CDK12: variants seen among roughly 807,000 people sequenced by gnomAD.
CDK12 encodes the protein cyclin dependent kinase 12.
In CDK12, 17 loss-of-function variants were observed where a neutral mutation model predicts 133.8. The observed-to-expected ratio is 0.13, with a 90% confidence interval of 0.09 to 0.19. CDK12 has a LOEUF of 0.19. CDK12 is among the 10% of genes least tolerant of loss of function. The probability of loss-of-function intolerance (pLI) is 1.00; values close to 1 mark genes in which losing one functional copy is unlikely to be tolerated. For synonymous variants in CDK12, 694 were observed against 683.6 expected (o/e 1.02, Z -0.24); for missense variants, 1,508 against 1,818.7 (o/e 0.83, Z 3.11).
At position 39,533,869 on chromosome 17, in the gene CDK12, C is replaced by T. The variant is rs891749211; in HGVS notation, c.*2553C>T. The stretch of plus-strand genomic sequence containing the variant: ...AAGGTATTTGTTAATTTTTCAGTTA[C>T]GTTATCTATAAACATGATGGAAGTA... On this transcript the variant is annotated 3_prime_UTR_variant, in exon 14 of 14. Coordinates refer to ENST00000447079, the MANE Select transcript of CDK12 (RefSeq NM_016507.4). 8.6e-6 allele frequency: 2 copies of T among 231,862 alleles called. No homozygotes were observed. The highest frequency in any genetic ancestry group is 1.7e-5 in the Non-Finnish European group (2 of 117,288). The allele number at this position is 231,862 out of a possible 1,614,324, so 14.4% of individuals were successfully genotyped here. A position where few individuals can be genotyped will look rare whatever the true frequency, so the allele number is the denominator to read the frequency against.
intron 2 of CDK12, among the ~76,000 whole-genome samples, chr17:39,552,674 AG>A (rs2056000477): frequency 1.3e-5 from 2 of 152,206 alleles, no homozygotes. Flanking sequence ...TCCAAGGAAC[AG>A]AGCCTCCTTT....
Position 39,532,713 on chromosome 17 carries a change from ATTTGGT to A in CDK12, c.*1404_*1409del. The A allele has an allele frequency of 4.3e-6, 1 of 232,778 alleles. No individual in the cohort carries two copies. Among genetic ancestry groups the A allele is most frequent in the East Asian group, 6.0e-5 (1 of 16,596 alleles). 14.4% of individuals were successfully genotyped at this position (232,778 alleles called of 1,614,324 possible). ...GGATTTTTCCTCCAAAGAGATTTGG[ATTTGGT>A]TTTGGTAAAAGGGGTTAAATTGTGC... is the stretch of plus-strand genomic sequence containing the variant. On this transcript the variant is annotated 3_prime_UTR_variant, in exon 14 of 14. Transcript: ENST00000447079.
chr17:39,525,809 A>T (rs1391213036), intron 12 of CDK12, 55 bp from the exon 13 acceptor site: 2 of 1,394,748 alleles, frequency 1.4e-6, no homozygotes, highest in Non-Finnish European at 2.0e-6. Flanking sequence ...TGAAGAAGGC[A>T]AAGGGCCCTT....
intron 2 of CDK12, among the ~76,000 whole-genome samples, chr17:39,476,807 C>T (rs997535748): frequency 2.6e-4 from 38 of 145,338 alleles, no homozygotes; most frequent in South Asian, 6.7e-4. Context: ...ACGCAACCTC[C>T]GCCTCCCAAG....
At chr17:39,542,004 G>A (rs1251184354) in intron 1 of CDK12, among the ~76,000 whole-genome samples, 3 of 152,148 alleles carry the variant, frequency 2.0e-5, no homozygotes, top group Admixed American at 6.5e-5. Flanking sequence ...TGACTTCTGC[G>A]AGTAGAGTGC....
chr17:39,491,536 T>G (rs1598027998), intron 3 of CDK12, among the ~76,000 whole-genome samples: 1 of 152,124 alleles, frequency 6.6e-6, no homozygotes, highest in East Asian at 1.9e-4. Context: ...GCGTCCGGCC[T>G]TATATTTTCA....
At chr17:39,522,612 T>G (rs1408752472) in intron 11 of CDK12, among the ~76,000 whole-genome samples, 1 of 151,874 alleles carries the variant, frequency 6.6e-6, no homozygotes, top group Non-Finnish European at 1.5e-5. Flanking sequence ...TTTTGTATTT[T>G]TAGTAGAGAT....
At position 39,533,438 on chromosome 17, in the gene CDK12, CCT is replaced by C. The variant is rs1567796450; in HGVS notation, c.*2123_*2124del. 4.3e-6 allele frequency: 1 copy of C among 232,952 alleles called. No individual in the cohort carries two copies. Among genetic ancestry groups the C allele is most frequent in the Admixed American group, 5.6e-5 (1 of 17,762 alleles). The allele number at this position is 232,952 out of a possible 1,614,324, so 14.4% of individuals were successfully genotyped here. A position where few individuals can be genotyped will look rare whatever the true frequency, so the allele number is the denominator to read the frequency against. The stretch of plus-strand genomic sequence containing the variant: ...GAATTTGAGTTATTGGGCCCCACTC[CCT>C]GTTTTTTATTAAAGAACGTGAGCCT... On this transcript the variant is annotated 3_prime_UTR_variant, in exon 14 of 14. Transcript: ENST00000447079.
chr17:39,495,932 G>A (rs2052072372), intron 5 of CDK12, among the ~76,000 whole-genome samples: 1 of 151,246 alleles, frequency 6.6e-6, no homozygotes, highest in Admixed American at 6.6e-5. Flanking sequence ...TTTTTTTTGA[G>A]ACAGAGTCTT....
intron 3 of CDK12, among the ~76,000 whole-genome samples, chr17:39,561,196 ATAT>A (rs1017708791): frequency 3.3e-4 from 51 of 152,276 alleles, no homozygotes; most frequent in African/African-American, 1.2e-3. Context: ...AGAGGATGAG[ATAT>A]TAAGGTCCTC....
intron 12 of CDK12, 50 bp from the exon 13 acceptor site, chr17:39,525,814 G>A (rs1209866547): frequency 2.8e-6 from 4 of 1,443,600 alleles, no homozygotes; most frequent in East Asian, 4.6e-5. Context: ...AAGGCAAAGG[G>A]CCCTTGGCCT....
intron 2 of CDK12, among the ~76,000 whole-genome samples, chr17:39,553,472 C>T (rs1467125650): frequency 1.3e-5 from 2 of 152,168 alleles, no homozygotes; most frequent in South Asian, 2.1e-4. Flanking sequence ...TTACCCCATC[C>T]TCTCCTGCTT....
At chr17:39,489,141 C>T (rs939512330) in intron 2 of CDK12, among the ~76,000 whole-genome samples, 1 of 147,930 alleles carries the variant, frequency 6.8e-6, no homozygotes, top group Non-Finnish European at 1.5e-5. Flanking sequence ...AGTGCAGTGG[C>T]GCGATCTCAG....
chr17:39,462,708 G>C lies in CDK12; in HGVS notation c.637G>C (p.Val213Leu). The C allele has an allele frequency of 6.2e-7, 1 of 1,614,230 alleles. No individual in the cohort carries two copies. Among genetic ancestry groups the C allele is most frequent in the Non-Finnish European group, 8.5e-7 (1 of 1,180,044 alleles). ...KRETPKSYKTVDSPKRRSRSP... is the reference protein window; with the variant it reads ...KRETPKSYKTLDSPKRRSRSP... ...GGAAACACCCAAAAGTTACAAAACA[G>C]TGGACAGCCCAAAACGGAGATCCAG... Residue 213 changes from valine (V) to leucine (L), a missense_variant, in exon 1 of 14, where the codon GTG becomes CTG. By Grantham distance (32) the Val-to-Leu change is conservative. This residue lies in a region of CDK12 where 460 missense variants were observed against 490.8 expected (regional missense o/e 0.94). Coordinates refer to ENST00000447079, the MANE Select transcript of CDK12 (RefSeq NM_016507.4).
At chr17:39,492,404 T>G (rs996864047) in intron 3 of CDK12, among the ~76,000 whole-genome samples, 6 of 128,856 alleles carry the variant, frequency 4.7e-5, no homozygotes, top group African/African-American at 1.8e-4. Flanking sequence ...CCAATTTCAT[T>G]TTCTTTTTTT....
At position 39,528,905 on chromosome 17, in the gene CDK12, T is replaced by C. The variant is rs573430700; in HGVS notation, c.3761-1699T>C. On this transcript the variant is annotated intron_variant, in intron 13 of 13. Transcript: ENST00000447079. ...TAAATAACTGGTACAGTGATGTCCT[T>C]ATATAGAGAGTGTTGAAAGCAAAAG... Among the ~76,000 whole-genome samples the C allele has an allele frequency of 7.9e-5, 12 of 152,282 alleles. No individual in the cohort carries two copies. The South Asian group carries it at 2.3e-3, about 29-fold the overall frequency.
chr17:39,533,109 C>A lies in CDK12; in HGVS notation c.*1793C>A. 1 of 231,616 alleles carries A rather than the reference C, an allele frequency of 4.3e-6. No individual in the cohort carries two copies. The highest frequency in any genetic ancestry group is 8.5e-6 in the Non-Finnish European group (1 of 117,196). The allele number at this position is 231,616 out of a possible 1,614,324, so 14.3% of individuals were successfully genotyped here. ...AAACTTTAAAGAAATGAAAGAAGAA[C>A]CCTCTTCAGATACTTACTTGAAGAC... On this transcript the variant is annotated 3_prime_UTR_variant, in exon 14 of 14. Coordinates refer to ENST00000447079, the MANE Select transcript of CDK12 (RefSeq NM_016507.4).
Position 39,462,097 on chromosome 17 carries a change from G to T in CDK12, c.26G>T (p.Gly9Val). The change falls in exon 1 of 14, where the codon GGC becomes GTC. Residue 9 changes from glycine (G) to valine (V), a missense_variant. By Grantham distance (109) the Gly-to-Val change is moderately radical. Coordinates refer to ENST00000447079, the MANE Select transcript of CDK12 (RefSeq NM_016507.4). MPNSERHG[G>V]KKDGSGGASG... Reference sequence around the variant, plus strand: ...ATGCCCAATTCAGAGAGACATGGGGGCAAGAAGGACGGGAGTGGAGGAGCT... The same window carrying T: ...ATGCCCAATTCAGAGAGACATGGGGTCAAGAAGGACGGGAGTGGAGGAGCT... 1.2e-6 allele frequency: 2 copies of T among 1,614,014 alleles called. No homozygotes were observed. Among genetic ancestry groups the T allele is most frequent in the South Asian group, 1.1e-5 (1 of 91,084 alleles).
In CDK12 at chr17:39,563,340, A is replaced by AG. The variant is rs555919423; in HGVS notation, n.485-1419dup. Among the ~76,000 whole-genome samples, 428 of 151,844 alleles carry AG rather than the reference A, an allele frequency of 2.8e-3. 1 individual carries two copies. Among genetic ancestry groups the AG allele is most frequent in the African/African-American group, 9.1e-3 (377 of 41,390 alleles). On this transcript the variant is annotated intron_variant and non_coding_transcript_variant, in intron 3 of 3. Coordinates refer to the CDK12 transcript ENST00000558240. The stretch of plus-strand genomic sequence containing the variant: ...GTGGTGTGATCTTTAGATGGCCATG[A>AG]GTCAGGTGGGCTAGGGATACCCACA...
Sources: allele counts gnomAD v4.1 joint callset (sites outside exome capture counted in the v4.1 genomes callset), GRCh38; gene constraint gnomAD v4.1.1; regional missense constraint gnomAD v4.1.1; transcripts MANE v1.5; gene names NCBI Gene and HGNC (gene_info 2026-07-23, HGNC 2026-07-21).